DCAF1: variants seen among roughly 807,000 people sequenced by gnomAD.
DCAF1 encodes DDB1 and CUL4 associated factor 1.
In DCAF1, 15 loss-of-function variants were observed where a neutral mutation model predicts 128.0. The observed-to-expected ratio is 0.12, with a 90% CI of 0.08 to 0.18. The LOEUF (loss-of-function observed/expected upper bound fraction) is 0.18. DCAF1 is among the 10% of genes least tolerant of loss of function. DCAF1 has a pLI of 1.00. For synonymous variants in DCAF1, 610 were observed against 603.0 expected (o/e 1.01, Z -0.17); for missense variants, 988 against 1,649.5 (o/e 0.60, Z 6.95).
chr3:51,492,072 G>A (rs782604917), intron 2 of DCAF1, among the ~76,000 whole-genome samples: 28 of 149,398 alleles, frequency 1.9e-4, no homozygotes, highest in Non-Finnish European at 3.7e-4. Flanking sequence ...GAGGGGAATC[G>A]CTTGAACCTG....
At chr3:51,456,031 T>C (rs570902623) in intron 6 of DCAF1, among the ~76,000 whole-genome samples, 5 of 152,284 alleles carry the variant, frequency 3.3e-5, no homozygotes, top group Admixed American at 6.5e-5. Context: ...ACCGGGTTCA[T>C]CTCACTGGGG....
intron 9 of DCAF1, among the ~76,000 whole-genome samples, chr3:51,433,927 A>C (rs2107595290): frequency 6.6e-6 from 1 of 151,542 alleles, no homozygotes; most frequent in African/African-American, 2.4e-5. Context: ...CTAAAAATAC[A>C]AAAAATTTGC....
At chr3:51,480,104 TA>T (rs782106577) in intron 3 of DCAF1, among the ~76,000 whole-genome samples, 788 of 93,178 alleles carry the variant, frequency 8.5e-3, no homozygotes, top group Middle Eastern at 0.03. Flanking sequence ...ACCCTGTCAC[TA>T]AAAAAAAAAA....
upstream of DCAF1, among the ~76,000 whole-genome samples, chr3:51,501,262 A>G (rs1022522118): frequency 5.3e-5 from 8 of 152,258 alleles, no homozygotes; most frequent in South Asian, 2.1e-4. Flanking sequence ...CAATTTCTTC[A>G]TGTTGTTGGG....
intron 6 of DCAF1, 129 bp from the exon 7 acceptor site, chr3:51,444,032 A>C (rs984364252): frequency 1.3e-6 from 1 of 764,042 alleles, no homozygotes; most frequent in Non-Finnish European, 2.0e-6. Flanking sequence ...AAAAAGTACT[A>C]CTACAGCATC....
chr3:51,425,038 T>A, intron 13 of DCAF1, among the ~76,000 whole-genome samples: 1 of 152,238 alleles, frequency 6.6e-6, no homozygotes, highest in African/African-American at 2.4e-5. Context: ...ATTAATTATG[T>A]GTATTTGCAA....
chr3:51,462,685 G>A (rs1178793669), intron 6 of DCAF1, among the ~76,000 whole-genome samples: 1 of 142,972 alleles, frequency 7.0e-6, no homozygotes, highest in Non-Finnish European at 1.5e-5. Context: ...GGCAGAGGTT[G>A]TAGTGAGCTG....
chr3:51,408,849 A>C (rs1430062683), intron 23 of DCAF1, among the ~76,000 whole-genome samples: 1 of 152,254 alleles, frequency 6.6e-6, no homozygotes, highest in African/African-American at 2.4e-5. Flanking sequence ...ATGATCAATA[A>C]AAGCTGTAAT....
At chr3:51,460,109 G>C (rs1210026346) in intron 6 of DCAF1, among the ~76,000 whole-genome samples, 1 of 152,174 alleles carries the variant, frequency 6.6e-6, no homozygotes, top group African/African-American at 2.4e-5. Context: ...AAAAGAGGAA[G>C]TCAAATTGTC....
At chr3:51,429,165 T>A in intron 12 of DCAF1, 96 bp downstream of exon 12, 1 of 690,242 alleles carries the variant, frequency 1.4e-6, no homozygotes, top group South Asian at 1.5e-5. Flanking sequence ...ACAATGGACA[T>A]AGCACAGAGT....
Position 51,398,698 on chromosome 3 carries a change from G to A in DCAF1, c.*71C>T, listed in dbSNP as rs934204018. The A allele has an allele frequency of 3.3e-6, 5 of 1,535,682 alleles. No homozygotes were observed. Among genetic ancestry groups the A allele is most frequent in the African/African-American group, 1.4e-5 (1 of 72,874 alleles). The stretch of plus-strand genomic sequence containing the variant: ...CAGACAGCCCTGGGAGAAAGAGAAG[G>A]GAATATGTTCTGAATTCATTTGACT... On this transcript the variant is annotated 3_prime_UTR_variant, in exon 25 of 25. Transcript: ENST00000684031.
chr3:51,425,481 CA>C (rs1220151021), intron 13 of DCAF1, among the ~76,000 whole-genome samples: 1 of 145,212 alleles, frequency 6.9e-6, no homozygotes, highest in Non-Finnish European at 1.5e-5. Context: ...CCAAAACCAA[CA>C]AAAAAATAAA....
intron 9 of DCAF1, among the ~76,000 whole-genome samples, chr3:51,437,078 T>G (rs188034027): frequency 2.2e-4 from 33 of 151,482 alleles, no homozygotes; most frequent in Middle Eastern, 3.4e-3. Flanking sequence ...GCCTGGCCAA[T>G]ATGGTGAAAC....
chr3:51,445,510 G>A (rs1475342350), intron 6 of DCAF1, among the ~76,000 whole-genome samples: 1 of 152,196 alleles, frequency 6.6e-6, no homozygotes, highest in Non-Finnish European at 1.5e-5. Context: ...ATGAATCACA[G>A]TGAGGCTAGT....
At position 51,414,865 on chromosome 3, in the gene DCAF1, G is replaced by A. The variant is rs781968159; in HGVS notation, c.3604-8C>T. 1.9e-6 allele frequency: 3 copies of A among 1,610,012 alleles called. No individual in the cohort carries two copies. The highest frequency in any genetic ancestry group is 3.3e-5 in the Admixed American group (2 of 59,838). On this transcript the variant is annotated splice_region_variant and splice_polypyrimidine_tract_variant and intron_variant, in intron 18 of 24. Transcript: ENST00000684031. ...AGTCTGAATATCATAAATCTTTAGA[G>A]AAGAAGGGATGGGAAGAGAAAAATC...
chr3:51,431,053 C>T (rs1700322331), intron 10 of DCAF1, among the ~76,000 whole-genome samples: 2 of 151,966 alleles, frequency 1.3e-5, no homozygotes, highest in Admixed American at 1.3e-4. Context: ...GGTGGTGTGC[C>T]CTTGTTGTCC....
upstream of DCAF1, among the ~76,000 whole-genome samples, chr3:51,500,505 C>T (rs1708745808): frequency 6.6e-6 from 1 of 152,136 alleles, no homozygotes; most frequent in South Asian, 2.1e-4. Flanking sequence ...AATCACAGCA[C>T]TCATTAAATC....
At chr3:51,408,816 C>T (rs1553627513) in intron 23 of DCAF1, among the ~76,000 whole-genome samples, 1 of 152,172 alleles carries the variant, frequency 6.6e-6, no homozygotes, top group African/African-American at 2.4e-5. Flanking sequence ...TAACAGAGGT[C>T]CTTCAAACAT....
At chr3:51,425,683 G>A (rs62257543) in intron 13 of DCAF1, among the ~76,000 whole-genome samples, 7,097 of 148,220 alleles carry the variant, frequency 0.048, 223 homozygotes, top group Non-Finnish European at 0.073. Flanking sequence ...CCACCTCAGC[G>A]TCCCTAGTAG....
Sources: allele counts gnomAD v4.1 joint callset (sites outside exome capture counted in the v4.1 genomes callset), GRCh38; gene constraint gnomAD v4.1.1; transcripts MANE v1.5; gene names NCBI Gene and HGNC (gene_info 2026-07-23, HGNC 2026-07-21).